The following STEAP1B variants were observed in gnomAD, a reference collection of about 807,000 sequenced individuals.
The protein encoded by STEAP1B is STEAP family protein MGC87042.
In STEAP1B, 13 loss-of-function variants were observed where a neutral mutation model predicts 27.9. That is an observed-to-expected ratio of 0.47 (90% CI 0.30 to 0.74). The LOEUF (loss-of-function observed/expected upper bound fraction) is 0.74. STEAP1B is among the 30% of genes least tolerant of loss of function. STEAP1B has a pLI of 0.06. For synonymous variants in STEAP1B, 86 were observed against 107.1 expected (o/e 0.80, Z 1.22); for missense variants, 250 against 298.7 (o/e 0.84, Z 1.20).
At chr7:22,436,359 T>A (rs1785254080) in intron 4 of STEAP1B, among the ~76,000 whole-genome samples, 1 of 152,156 alleles carries the variant, frequency 6.6e-6, no homozygotes, top group Non-Finnish European at 1.5e-5. Context: ...ATTTCTCCCA[T>A]CATCATTTAT....
Position 22,454,244 on chromosome 7 carries a change from C to T in STEAP1B, c.763-34408G>A, listed in dbSNP as rs372581766. 4.6e-5 allele frequency among the ~76,000 whole-genome samples: 7 copies of T among 152,304 alleles called. No homozygotes were observed. In the East Asian group the frequency reaches 1.4e-3, roughly 29 times the overall value. On this transcript the variant is annotated intron_variant, in intron 4 of 4. Transcript: ENST00000678116. ...GAGAACTCTCAAGAAAGACCCACCT[C>T]CAACCCCTGCCTCAGGCCTAATCCA...
At position 22,419,737 on chromosome 7, in the gene STEAP1B, A is replaced by G. The variant is rs760432553; in HGVS notation, c.*67T>C. 3 of 1,518,148 alleles carry G rather than the reference A, an allele frequency of 2.0e-6. No individual in the cohort carries two copies. The highest frequency in any genetic ancestry group is 2.7e-6 in the Non-Finnish European group (3 of 1,127,146). The allele number at this position is 1,518,148 out of a possible 1,614,324, so 94.0% of individuals were successfully genotyped here. ...GAAAGGGCACTGGGTGGTGTTCTGC[A>G]TGAGCAATCCAATGCTGTGCTCCAA... On this transcript the variant is annotated 3_prime_UTR_variant, in exon 5 of 5. Coordinates refer to ENST00000678116, the MANE Select transcript of STEAP1B (RefSeq NM_001382447.1).
At chr7:22,491,967 T>C (rs1198579871) in intron 4 of STEAP1B, among the ~76,000 whole-genome samples, 1 of 152,134 alleles carries the variant, frequency 6.6e-6, no homozygotes, top group Non-Finnish European at 1.5e-5. Context: ...AGTATTTCTG[T>C]TCAGCATCCC....
chr7:22,426,379 T>G (rs1177299765), intron 4 of STEAP1B, among the ~76,000 whole-genome samples: 1 of 152,186 alleles, frequency 6.6e-6, no homozygotes, highest in Non-Finnish European at 1.5e-5. Flanking sequence ...CAGTATTTTT[T>G]TAAAATGTTA....
At position 22,479,679 on chromosome 7, in the gene STEAP1B, C is replaced by CTTTTTT. The variant is rs569050091; in HGVS notation, c.762+12880_762+12885dup. Among the ~76,000 whole-genome samples the CTTTTTT allele has an allele frequency of 2.3e-4, 21 of 92,106 alleles. 2 individuals carry two copies. The highest frequency in any genetic ancestry group is 6.8e-4 in the Admixed American group (5 of 7,322). 60.4% of individuals were successfully genotyped at this position (92,106 alleles called of 152,430 possible). A position where few individuals can be genotyped will look rare whatever the true frequency, so the allele number is the denominator to read the frequency against. On this transcript the variant is annotated intron_variant, in intron 4 of 4. Transcript: ENST00000678116. ...GACAGTAGCCACTAGTCATGTGTGG[C>CTTTTTT]TTTTTTTTTTTTTTTTTTTTTCTGA...
At chr7:22,456,973 T>TA (rs1554285707) in intron 4 of STEAP1B, among the ~76,000 whole-genome samples, 14,768 of 58,770 alleles carry the variant, frequency 0.25, 2,850 homozygotes, top group Admixed American at 0.3. Context: ...TATATATATA[T>TA]TTTTTTTTTT....
intron 1 of STEAP1B, among the ~76,000 whole-genome samples, chr7:22,496,896 G>A (rs770879584): frequency 6.6e-6 from 1 of 152,124 alleles, no homozygotes; most frequent in Non-Finnish European, 1.5e-5. Flanking sequence ...TTTTATATAC[G>A]CCAACATTTA....
At chr7:22,469,889 G>A (rs992803125) in intron 4 of STEAP1B, among the ~76,000 whole-genome samples, 2 of 152,172 alleles carry the variant, frequency 1.3e-5, no homozygotes, top group African/African-American at 2.4e-5. Flanking sequence ...AAGGAGAAAA[G>A]CTAGAATAAA....
At chr7:22,471,893 CAA>C (rs59453902) in intron 4 of STEAP1B, among the ~76,000 whole-genome samples, 3,748 of 60,226 alleles carry the variant, frequency 0.062, 97 homozygotes, top group Admixed American at 0.15. Flanking sequence ...AACCTGTCTC[CAA>C]AAAAAAAAAA....
At chr7:22,424,885 A>T (rs962201487) in intron 4 of STEAP1B, among the ~76,000 whole-genome samples, 5 of 84,190 alleles carry the variant, frequency 5.9e-5, no homozygotes, top group Non-Finnish European at 1.1e-4. Flanking sequence ...CAGAGTACAA[A>T]TTGTTAAGTG....
chr7:22,430,091 TGG>T (rs1785157801), intron 4 of STEAP1B, among the ~76,000 whole-genome samples: 1 of 152,230 alleles, frequency 6.6e-6, no homozygotes, highest in Non-Finnish European at 1.5e-5. Flanking sequence ...TGTGGATATG[TGG>T]GCATGCATTC....
At chr7:22,431,312 T>C (rs1785184307) in intron 4 of STEAP1B, among the ~76,000 whole-genome samples, 1 of 152,188 alleles carries the variant, frequency 6.6e-6, no homozygotes, top group South Asian at 2.1e-4. Context: ...TAGGGACTGC[T>C]TGTTTCCTCA....
At chr7:22,452,888 A>AGG in intron 4 of STEAP1B, among the ~76,000 whole-genome samples, 1 of 152,134 alleles carries the variant, frequency 6.6e-6, no homozygotes, top group Non-Finnish European at 1.5e-5. Context: ...TGCTAATCCC[A>AGG]ATACCAGTCC....
At chr7:22,438,493 A>C in intron 4 of STEAP1B, 1 of 1,549,332 alleles carries the variant, frequency 6.5e-7, no homozygotes, top group Non-Finnish European at 8.7e-7. Context: ...GCATGCTTAA[A>C]TCTGAAAGAT....
chr7:22,453,007 T>C (rs1483889521), intron 4 of STEAP1B, among the ~76,000 whole-genome samples: 1 of 152,234 alleles, frequency 6.6e-6, no homozygotes. Context: ...ATTTCTGCTC[T>C]GTTTTGAAGT....
chr7:22,477,080 G>T (rs150202367), intron 4 of STEAP1B, among the ~76,000 whole-genome samples: 97 of 152,292 alleles, frequency 6.4e-4, no homozygotes, highest in African/African-American at 2.0e-3. Context: ...GTGACGTCAC[G>T]CACCTTCCCC....
chr7:22,476,542 T>G (rs1785975742), intron 4 of STEAP1B, among the ~76,000 whole-genome samples: 1 of 152,150 alleles, frequency 6.6e-6, no homozygotes, highest in Non-Finnish European at 1.5e-5. Context: ...CTCAATCCCC[T>G]GTATAGTCCA....
At chr7:22,469,831 C>G (rs192819935) in intron 4 of STEAP1B, among the ~76,000 whole-genome samples, 119 of 152,270 alleles carry the variant, frequency 7.8e-4, no homozygotes, top group Non-Finnish European at 1.4e-3. Flanking sequence ...TGAGTGCATA[C>G]TGCAGAGCCA....
chr7:22,468,451 C>T (rs1785823916), intron 4 of STEAP1B, among the ~76,000 whole-genome samples: 1 of 152,104 alleles, frequency 6.6e-6, no homozygotes, highest in Non-Finnish European at 1.5e-5. Flanking sequence ...GGTGGAAATG[C>T]AAAATGGTAC....
Sources: allele counts gnomAD v4.1 joint callset (sites outside exome capture counted in the v4.1 genomes callset), GRCh38; gene constraint gnomAD v4.1.1; transcripts MANE v1.5; gene names NCBI Gene and HGNC (gene_info 2026-07-23, HGNC 2026-07-21).